The following TMEM51 variants were observed in gnomAD, a reference collection of about 807,000 sequenced individuals.
The protein encoded by TMEM51 is transmembrane protein 51.
In TMEM51, 8 loss-of-function variants were observed where a neutral mutation model predicts 13.6. The observed-to-expected ratio is 0.59, with a 90% CI of 0.35 to 1.07. The LOEUF is 1.07. Among genes scored for constraint, TMEM51 ranks in the 50% least tolerant of loss-of-function variants. The pLI is 0.02. For synonymous variants in TMEM51, 147 were observed against 144.4 expected, an observed-to-expected ratio of 1.02 and a Z score of -0.13; for missense variants, 279 against 330.7, an observed-to-expected ratio of 0.84 and a Z score of 1.21.
chr1:15,183,946 C>T (rs1079317), intron 1 of TMEM51, among the ~76,000 whole-genome samples: 84,240 of 152,190 alleles, frequency 0.55, 24,699 homozygotes, highest in East Asian at 0.9. Context: ...GGTGCACGTG[C>T]CTCCTGCAAG....
chr1:15,155,909 T>A (rs1282581513), intron 1 of TMEM51, among the ~76,000 whole-genome samples: 1 of 152,108 alleles, frequency 6.6e-6, no homozygotes, highest in African/African-American at 2.4e-5. Flanking sequence ...CCCATCCATA[T>A]GTTAAGAAGA....
intron 1 of TMEM51, among the ~76,000 whole-genome samples, chr1:15,154,169 G>C (rs1642504426): frequency 6.6e-6 from 1 of 152,096 alleles, no homozygotes; most frequent in Non-Finnish European, 1.5e-5. Context: ...CCCGCCTCCC[G>C]GGCACCGCGC....
chr1:15,168,561 G>A, intron 1 of TMEM51: 2 of 1,304,740 alleles, frequency 1.5e-6, no homozygotes, highest in Non-Finnish European at 1.0e-6. Flanking sequence ...AGGCTGTTTT[G>A]TCTTGGGCTA....
intron 1 of TMEM51, among the ~76,000 whole-genome samples, chr1:15,185,965 ACT>A (rs1643760152): frequency 6.6e-6 from 1 of 152,004 alleles, no homozygotes; most frequent in Non-Finnish European, 1.5e-5. Context: ...CCAAGCAAGG[ACT>A]CTGCAGGTCA....
chr1:15,217,484 T>A (rs1032616498), intron 3 of TMEM51, among the ~76,000 whole-genome samples: 2 of 152,168 alleles, frequency 1.3e-5, no homozygotes, highest in African/African-American at 2.4e-5. Flanking sequence ...GGATATATAT[T>A]TTTTTAAATG....
intron 2 of TMEM51, among the ~76,000 whole-genome samples, chr1:15,212,807 C>CCATACATATG (rs1644363290): frequency 6.6e-6 from 1 of 152,268 alleles, no homozygotes. Flanking sequence ...TGTTCATATT[C>CCATACATATG]CATACATATG....
At chr1:15,162,711 G>A (rs1642825319) in intron 1 of TMEM51, among the ~76,000 whole-genome samples, 1 of 152,056 alleles carries the variant, frequency 6.6e-6, no homozygotes, top group Non-Finnish European at 1.5e-5. Flanking sequence ...CTGACACCAT[G>A]CTGCAACATG....
At chr1:15,214,672 T>A (rs1312794042) in intron 2 of TMEM51, among the ~76,000 whole-genome samples, 1 of 152,218 alleles carries the variant, frequency 6.6e-6, no homozygotes, top group Non-Finnish European at 1.5e-5. Flanking sequence ...TGGCTTTTCC[T>A]TTTCAGGGAG....
chr1:15,163,614 G>T (rs1292176355), intron 1 of TMEM51, among the ~76,000 whole-genome samples: 10 of 135,354 alleles, frequency 7.4e-5, no homozygotes, highest in Admixed American at 7.3e-4. Context: ...AGTATAAGGA[G>T]TTAGTTTCGA....
At chr1:15,172,194 T>C (rs1032885517) in intron 1 of TMEM51, among the ~76,000 whole-genome samples, 1 of 151,672 alleles carries the variant, frequency 6.6e-6, no homozygotes, top group Non-Finnish European at 1.5e-5. Context: ...CTGGGCAACA[T>C]GGCAAAACTC....
At chr1:15,198,615 A>C (rs1644095512) in intron 1 of TMEM51, among the ~76,000 whole-genome samples, 1 of 151,964 alleles carries the variant, frequency 6.6e-6, no homozygotes, top group Non-Finnish European at 1.5e-5. Context: ...ACGGGGTTTC[A>C]CCATGTTGAC....
chr1:15,154,875 C>T (rs927452790), intron 1 of TMEM51, among the ~76,000 whole-genome samples: 2 of 143,056 alleles, frequency 1.4e-5, no homozygotes, highest in Non-Finnish European at 3.1e-5. Flanking sequence ...GGAACCCGGG[C>T]GCTGCCGGAG....
chr1:15,184,848 A>G (rs1643723232), intron 1 of TMEM51, among the ~76,000 whole-genome samples: 1 of 21,076 alleles, frequency 4.7e-5, no homozygotes, highest in Non-Finnish European at 1.1e-4. Flanking sequence ...GTCTAGAGAC[A>G]TTTTTGGTTG....
chr1:15,209,322 C>T (rs1021612332), intron 1 of TMEM51, among the ~76,000 whole-genome samples: 1 of 151,950 alleles, frequency 6.6e-6, no homozygotes, highest in Non-Finnish European at 1.5e-5. Flanking sequence ...GTCTCGAACT[C>T]CTGAGCTCAA....
chr1:15,173,719 G>A (rs17385885), intron 1 of TMEM51, among the ~76,000 whole-genome samples: 8,305 of 150,264 alleles, frequency 0.055, 312 homozygotes, highest in South Asian at 0.086. Context: ...TCAAAGAAGA[G>A]CCTTTCAACT....
chr1:15,201,794 A>G (rs1348251615), intron 1 of TMEM51, among the ~76,000 whole-genome samples: 3 of 152,158 alleles, frequency 2.0e-5, no homozygotes, highest in Non-Finnish European at 4.4e-5. Flanking sequence ...GGTGGCTAAA[A>G]AAGAAAATGT....
chr1:15,167,355 A>C (rs1434447747), intron 1 of TMEM51, among the ~76,000 whole-genome samples: 1 of 141,890 alleles, frequency 7.0e-6, no homozygotes, highest in Non-Finnish European at 1.5e-5. Context: ...AAAAAAAAAA[A>C]AGAATACATT....
chr1:15,200,898 A>G (rs1644142492), intron 1 of TMEM51, among the ~76,000 whole-genome samples: 1 of 152,154 alleles, frequency 6.6e-6, no homozygotes, highest in Non-Finnish European at 1.5e-5. Context: ...AAACTGACCT[A>G]GGGAAAGTTT....
intron 2 of TMEM51, among the ~76,000 whole-genome samples, chr1:15,211,646 G>C (rs1219346590): frequency 6.6e-6 from 1 of 152,130 alleles, no homozygotes; most frequent in Non-Finnish European, 1.5e-5. Flanking sequence ...AATAGAGTGA[G>C]GATGTGAGCC....
Sources: gnomAD v4.1 joint callset for allele counts (sites outside exome capture counted in the v4.1 genomes callset) on GRCh38, gnomAD v4.1.1 for gene constraint, MANE v1.5 for transcripts, NCBI Gene and HGNC (gene_info 2026-07-23, HGNC 2026-07-21) for gene names.